The following CFAP44 variants were observed in gnomAD, a reference collection of about 807,000 sequenced individuals.
CFAP44 encodes the protein cilia and flagella associated protein 44.
In CFAP44, 134 loss-of-function variants were observed where a neutral mutation model predicts 216.2. That is an observed-to-expected ratio of 0.62 (90% confidence interval 0.54 to 0.72). CFAP44 has a LOEUF of 0.72. Among genes scored for constraint, CFAP44 ranks in the 30% least tolerant of loss-of-function variants. CFAP44 has a pLI of 0.00. For synonymous variants in CFAP44, 700 were observed against 727.6 expected, an observed-to-expected ratio of 0.96 and a Z score of 0.61; for missense variants, 2,035 against 2,182.1, an observed-to-expected ratio of 0.93 and a Z score of 1.34.
At chr3:113,365,106 G>A (rs1950575499) in intron 19 of CFAP44, among the ~76,000 whole-genome samples, 1 of 152,114 alleles carries the variant, frequency 6.6e-6, no homozygotes, top group Non-Finnish European at 1.5e-5. Flanking sequence ...TTGAAATGTG[G>A]AATAAACATT....
Position 113,358,768 on chromosome 3 carries a change from G to A in CFAP44, c.3042C>T (p.Leu1014=), listed in dbSNP as rs776405406. 36 of 1,536,598 alleles carry A rather than the reference G, an allele frequency of 2.3e-5. No homozygotes were observed. The highest frequency in any genetic ancestry group is 3.9e-5 in the Admixed American group (2 of 50,986). Residue 1014 remains leucine, a synonymous_variant, in exon 22 of 35, where the codon CTC becomes CTT. Transcript: ENST00000393845. The stretch of plus-strand genomic sequence containing the variant: ...ACCGATTCTTTAGCTTCATTAGGCC[G>A]AGTTCATGTTTCTCTTTTTCCCAAG... The part of the protein sequence containing the change: ...ELAWEKEKHE[L]GLMKLKNRFR...
intron 13 of CFAP44, 82 bp from the exon 14 acceptor site, chr3:113,396,809 T>G: frequency 7.3e-7 from 1 of 1,363,964 alleles, no homozygotes; most frequent in African/African-American, 1.5e-5. Flanking sequence ...TTATTTAGAC[T>G]CAGGTAATTT....
chr3:113,344,551 T>C lies in CFAP44; in HGVS notation c.3227A>G (p.Glu1076Gly). The C allele has an allele frequency of 1.3e-6, 2 of 1,537,094 alleles. No individual in the cohort carries two copies. The highest frequency in any genetic ancestry group is 1.7e-6 in the Non-Finnish European group (2 of 1,146,832). Residue 1076 changes from glutamate to glycine, a missense_variant, in exon 23 of 35, where the codon GAG (glutamate) becomes GGG (glycine). By Grantham distance (98) the Glu-to-Gly change is moderately conservative. Transcript: ENST00000393845. ...KPSKLDRFEKEGPGRKDSQRD... is the reference protein window; with the variant it reads ...KPSKLDRFEKGGPGRKDSQRD... The stretch of plus-strand genomic sequence containing the variant: ...CTGGCTGTCCTTTCTTCCAGGTCCC[T>C]CTTTTTCAAACCTGTCCAATTTGCT...
chr3:113,429,760 T>C (rs1935055089), intron 2 of CFAP44, among the ~76,000 whole-genome samples: 1 of 152,146 alleles, frequency 6.6e-6, no homozygotes, highest in African/African-American at 2.4e-5. Flanking sequence ...TTTAGATTAT[T>C]TACTCTTTAG....
At chr3:113,404,988 G>A (rs1394619545) in intron 8 of CFAP44, among the ~76,000 whole-genome samples, 1 of 152,130 alleles carries the variant, frequency 6.6e-6, no homozygotes, top group Non-Finnish European at 1.5e-5. Context: ...TATTTGCTGG[G>A]AATCACCAAG....
intron 28 of CFAP44, among the ~76,000 whole-genome samples, chr3:113,318,204 A>C (rs1315397942): frequency 1.3e-5 from 2 of 152,244 alleles, no homozygotes; most frequent in Non-Finnish European, 2.9e-5. Flanking sequence ...AAGAAAGAAG[A>C]AAACCAAATT....
chr3:113,427,063 T>C, intron 3 of CFAP44, 124 bp downstream of exon 3: 1 of 1,072,862 alleles, frequency 9.3e-7, no homozygotes, highest in Admixed American at 2.5e-5. Context: ...CTTGTCCTTT[T>C]ATCATTCCCA....
intron 2 of CFAP44, among the ~76,000 whole-genome samples, 174 bp downstream of exon 2, chr3:113,433,391 T>G: frequency 1.6e-5 from 2 of 122,398 alleles, no homozygotes. Context: ...ATCGTACCAT[T>G]GCACTATAGC....
intron 15 of CFAP44, among the ~76,000 whole-genome samples, chr3:113,381,805 A>G (rs796535666): frequency 2.6e-5 from 4 of 152,326 alleles, no homozygotes; most frequent in African/African-American, 9.6e-5. Flanking sequence ...GTAGGGATAA[A>G]TTTATAATAA....
intron 15 of CFAP44, 143 bp downstream of exon 15, chr3:113,395,607 G>A: frequency 6.3e-6 from 4 of 630,300 alleles, no homozygotes; most frequent in Non-Finnish European, 1.1e-5. Context: ...GCAGCCACCT[G>A]AGCTTTCTGT....
intron 24 of CFAP44, among the ~76,000 whole-genome samples, chr3:113,333,955 CTT>C (rs577928589): frequency 7.8e-5 from 11 of 141,106 alleles, no homozygotes; most frequent in Non-Finnish European, 1.2e-4. Flanking sequence ...GTCAATTAAA[CTT>C]TTTTTTTTTT....
At chr3:113,361,447 AT>A (rs1950540003) in intron 21 of CFAP44, 1 of 151,696 alleles carries the variant, frequency 6.6e-6, no homozygotes, top group South Asian at 2.1e-4. Flanking sequence ...TAATTTTATA[AT>A]TTATAAGAAA....
In CFAP44 at chr3:113,330,272, T is replaced by C. The variant is rs1950229097; in HGVS notation, c.4012A>G (p.Lys1338Glu). The change falls in exon 26 of 35, where the codon AAG becomes GAG. Residue 1338 changes from lysine (K) to glutamate (E), a missense_variant. Coordinates refer to ENST00000393845, the MANE Select transcript of CFAP44 (RefSeq NM_001164496.2). ...KASTFSLDIP[K>E]CLEFEKAEPT... is the part of the protein sequence containing the mutation. ...TCTGCTTTTTCAAATTCCAAACACT[T>C]TGGTATATCTAGGCTGAATGTTGAT... 6.5e-7 allele frequency: 1 copy of C among 1,537,442 alleles called. No individual in the cohort carries two copies. Among genetic ancestry groups the C allele is most frequent in the African/African-American group, 1.4e-5 (1 of 73,148 alleles).
At chr3:113,417,564 C>T (rs1934682850) in intron 5 of CFAP44, among the ~76,000 whole-genome samples, 1 of 152,126 alleles carries the variant, frequency 6.6e-6, no homozygotes, top group South Asian at 2.1e-4. Flanking sequence ...TTCACATCCC[C>T]TGATTACATA....
At chr3:113,419,832 G>T (rs1480770225) in intron 5 of CFAP44, among the ~76,000 whole-genome samples, 185 bp downstream of exon 5, 1 of 152,206 alleles carries the variant, frequency 6.6e-6, no homozygotes. Flanking sequence ...CAGAGGTAGT[G>T]ACAGTGAATG....
rs754245535 is a variant in CFAP44 at position 113,373,512 on chromosome 3, AG to A, written c.2342del (p.Pro781LeufsTer40). ...SGFLYHCEFP[P>X]CDESSDFKEQ... ...CTTTGAAATCACTGCTTTCATCACA[AG>A]GGGGGAACTCACAGTGATATAGAAA... On this transcript the variant is annotated frameshift_variant, in exon 18 of 35. Transcript: ENST00000393845. LOFTEE classifies it high-confidence loss of function. 1 of 1,605,216 alleles carries A rather than the reference AG, an allele frequency of 6.2e-7. No homozygotes were observed. The highest frequency in any genetic ancestry group is 8.5e-7 in the Non-Finnish European group (1 of 1,175,242).
rs145494780 is a variant in CFAP44, at chr3:113,391,935, T to C, written c.1890+3815A>G. Among the ~76,000 whole-genome samples the C allele has an allele frequency of 1.9e-3, 289 of 152,264 alleles. 2 individuals are homozygous for C. The highest frequency in any genetic ancestry group is 5.7e-3 in the African/African-American group (236 of 41,564). ...GGCAAGAATGTGGAGTAAATTATAC[T>C]GTTGGTAGGAATGTAAATTAGTACA... On this transcript the variant is annotated intron_variant, in intron 15 of 34. Coordinates refer to ENST00000393845, the MANE Select transcript of CFAP44 (RefSeq NM_001164496.2).
intron 3 of CFAP44, among the ~76,000 whole-genome samples, chr3:113,426,560 T>C (rs1261378929): frequency 2.0e-5 from 3 of 152,206 alleles, no homozygotes; most frequent in Non-Finnish European, 4.4e-5. Flanking sequence ...TCTGCCATAA[T>C]TGTAAGTTTC....
intron 18 of CFAP44, 69 bp from the exon 19 acceptor site, chr3:113,366,378 G>C (rs1932937653): frequency 1.3e-6 from 2 of 1,526,108 alleles, no homozygotes; most frequent in Admixed American, 1.9e-5. Flanking sequence ...CAACTTAATT[G>C]ACAAGTGGCT....
Sources: gnomAD v4.1 joint callset for allele counts (sites outside exome capture counted in the v4.1 genomes callset) on GRCh38, gnomAD v4.1.1 for gene constraint, MANE v1.5 for transcripts, NCBI Gene and HGNC (gene_info 2026-07-23, HGNC 2026-07-21) for gene names.